PPARGC1A: variants seen among roughly 807,000 people sequenced by gnomAD.
PPARGC1A encodes PPARG coactivator 1 alpha, also known as peroxisome proliferator-activated receptor gamma coactivator 1-alpha.
Under a neutral mutation model 88.7 loss-of-function variants are expected in PPARGC1A, and 25 were observed. That is an observed-to-expected ratio of 0.28 (90% CI 0.21 to 0.39). The LOEUF (loss-of-function observed/expected upper bound fraction) is 0.39, where lower values mean the gene tolerates loss of function less well. PPARGC1A is among the 10% of genes least tolerant of loss of function. The probability of loss-of-function intolerance (pLI) is 1.00; values close to 1 mark genes in which losing one functional copy is unlikely to be tolerated. For missense variants in PPARGC1A, 880 were observed against 968.7 expected (o/e 0.91, Z 1.22); for synonymous variants, 363 against 355.6 (o/e 1.02, Z -0.24).
the PPARGC1A span, among the ~76,000 whole-genome samples, chr4:23,932,391 G>A: frequency 2.4e-4 from 37 of 152,102 alleles, no homozygotes; most frequent in African/African-American, 4.1e-4. Context: ...AAGTGCAGAC[G>A]TCTCCAGTGG....
the PPARGC1A span, among the ~76,000 whole-genome samples, chr4:23,929,875 G>A: frequency 6.6e-6 from 1 of 152,040 alleles, no homozygotes; most frequent in African/African-American, 2.4e-5. Flanking sequence ...CCTTTATGAG[G>A]CTCTTCTCAT....
chr4:23,991,175 C>T, the PPARGC1A span, among the ~76,000 whole-genome samples: 4 of 152,002 alleles, frequency 2.6e-5, no homozygotes, highest in Non-Finnish European at 5.9e-5. Context: ...GAAATGATAG[C>T]AATTCCTCCA....
At chr4:24,069,121 G>C in the PPARGC1A span, among the ~76,000 whole-genome samples, 1 of 152,158 alleles carries the variant, frequency 6.6e-6, no homozygotes, top group Non-Finnish European at 1.5e-5. Flanking sequence ...GCACTGTTAT[G>C]ATCTCTACTT....
the PPARGC1A span, among the ~76,000 whole-genome samples, chr4:24,081,341 G>A: frequency 3.9e-5 from 6 of 152,072 alleles, no homozygotes; most frequent in African/African-American, 1.4e-4. Flanking sequence ...GCTCATCTTG[G>A]CAAGAAGCTG....
the PPARGC1A span, among the ~76,000 whole-genome samples, chr4:24,171,149 C>A: frequency 6.6e-6 from 1 of 152,118 alleles, no homozygotes; most frequent in Non-Finnish European, 1.5e-5. Flanking sequence ...CGGTGGCTCA[C>A]GCCTGTAATC....
the PPARGC1A span, among the ~76,000 whole-genome samples, chr4:24,050,192 AC>A: frequency 1.1e-5 from 1 of 92,414 alleles, no homozygotes; most frequent in Non-Finnish European, 2.2e-5. Context: ...CCCTTAGGTG[AC>A]CTTTTGTTTT....
chr4:23,824,131 C>A, intron 7 of PPARGC1A, 149 bp downstream of exon 7: 2 of 651,206 alleles, frequency 3.1e-6, no homozygotes, highest in Non-Finnish European at 5.0e-6. Flanking sequence ...AAATAAACAA[C>A]TGGAAATATT....
the PPARGC1A span, among the ~76,000 whole-genome samples, chr4:24,037,446 A>G: frequency 6.6e-6 from 1 of 152,320 alleles, no homozygotes; most frequent in African/African-American, 2.4e-5. Context: ...CAGAATATTT[A>G]AGTAGAAATT....
Position 23,814,084 on chromosome 4 carries a change from C to G in PPARGC1A, c.1399G>C (p.Gly467Arg), listed in dbSNP as rs753319196. ...TCAAAAACAGCTTGACTGGGATGAC[C>G]GAAGTGCTTGTTCAGCTCGGCTCGG... is the stretch of plus-strand genomic sequence containing the variant. ...EIRAELNKHFGHPSQAVFDDE... is the reference protein window; with the variant it reads ...EIRAELNKHFRHPSQAVFDDE... Residue 467 changes from glycine to arginine, a missense_variant, in exon 8 of 13, where the codon GGT (glycine) becomes CGT (arginine). Physicochemically the swap from Gly to Arg is moderately radical, Grantham distance 125. Transcript: ENST00000264867. 5.0e-6 allele frequency: 8 copies of G among 1,613,906 alleles called. No individual in the cohort carries two copies. Among genetic ancestry groups the G allele is most frequent in the Non-Finnish European group, 1.7e-6 (2 of 1,179,978 alleles).
the PPARGC1A span, among the ~76,000 whole-genome samples, chr4:23,936,607 G>GGCC: frequency 1.3e-5 from 2 of 152,112 alleles, no homozygotes; most frequent in African/African-American, 4.8e-5. Flanking sequence ...CATGGTGGCA[G>GGCC]GCGCCTGTAA....
chr4:24,146,435 A>G, the PPARGC1A span, among the ~76,000 whole-genome samples: 1 of 152,072 alleles, frequency 6.6e-6, no homozygotes, highest in African/African-American at 2.4e-5. Flanking sequence ...GAACCTCAAA[A>G]CTCTGGATGA....
the PPARGC1A span, among the ~76,000 whole-genome samples, chr4:24,383,834 T>A: frequency 6.6e-6 from 1 of 152,120 alleles, no homozygotes; most frequent in African/African-American, 2.4e-5. Flanking sequence ...CTTCCCAAAC[T>A]AGCAAGACAA....
chr4:23,884,151 C>A (rs1716468668), intron 2 of PPARGC1A: 1 of 152,016 alleles, frequency 6.6e-6, no homozygotes. Flanking sequence ...TAATAAGAGT[C>A]CGGAGTCACG....
the PPARGC1A span, among the ~76,000 whole-genome samples, chr4:24,103,455 G>A: frequency 2.0e-5 from 3 of 152,118 alleles, no homozygotes; most frequent in African/African-American, 7.2e-5. Flanking sequence ...GCACGAAAGA[G>A]CACCCAGGAC....
chr4:23,919,154 T>C, the PPARGC1A span, among the ~76,000 whole-genome samples: 8 of 152,194 alleles, frequency 5.3e-5, no homozygotes, highest in African/African-American at 1.9e-4. Flanking sequence ...GCAGCAACTT[T>C]ACATACACAT....
chr4:23,816,614 C>A (rs1013738330), intron 7 of PPARGC1A, among the ~76,000 whole-genome samples: 1 of 152,118 alleles, frequency 6.6e-6, no homozygotes, highest in Non-Finnish European at 1.5e-5. Context: ...GAGGAATAAT[C>A]TCTCTTTGCT....
the PPARGC1A span, chr4:24,091,392 C>T: frequency 3.8e-5 from 36 of 937,566 alleles, no homozygotes; most frequent in Admixed American, 1.9e-4. Context: ...AATTGATGTA[C>T]GCATATTACC....
the PPARGC1A span, among the ~76,000 whole-genome samples, chr4:23,980,294 C>A: frequency 6.6e-6 from 1 of 151,780 alleles, no homozygotes; most frequent in Admixed American, 6.6e-5. Context: ...TTCAGTAGCT[C>A]CCTTTCTTTA....
chr4:23,949,227 TC>T, the PPARGC1A span, among the ~76,000 whole-genome samples: 2 of 152,138 alleles, frequency 1.3e-5, no homozygotes, highest in African/African-American at 4.8e-5. Flanking sequence ...AATATTACCT[TC>T]CTGCAAAACA....
Sources: allele counts gnomAD v4.1 joint callset (sites outside exome capture counted in the v4.1 genomes callset), GRCh38; gene constraint gnomAD v4.1.1; transcripts MANE v1.5; gene names NCBI Gene and HGNC (gene_info 2026-07-23, HGNC 2026-07-21).